The following CACNA1E variants were observed in gnomAD, a reference collection of about 807,000 sequenced individuals.
CACNA1E encodes the protein voltage-dependent R-type calcium channel subunit alpha-1E.
CACNA1E carries 40 observed loss-of-function variants against 259.2 expected under a neutral mutation model. That is an observed-to-expected ratio of 0.15 (90% confidence interval 0.12 to 0.20). The LOEUF is 0.20. CACNA1E is among the 10% of genes least tolerant of loss of function. The probability of loss-of-function intolerance (pLI) is 1.00; values close to 1 mark genes in which losing one functional copy is unlikely to be tolerated. For synonymous variants in CACNA1E, 1,104 were observed against 1,138.5 expected, an observed-to-expected ratio of 0.97 and a Z score of 0.61; for missense variants, 1,874 against 3,040.1, an observed-to-expected ratio of 0.62 and a Z score of 9.02.
At chr1:181,561,471 A>T (rs987288569) in intron 3 of CACNA1E, among the ~76,000 whole-genome samples, 1 of 152,120 alleles carries the variant, frequency 6.6e-6, no homozygotes, top group African/African-American at 2.4e-5. Flanking sequence ...CTTCATCCTC[A>T]GCCTCTAGTA....
rs1234674440 is a variant in CACNA1E, at chr1:181,344,429, G to A, written c.-15+26306G>A. On this transcript the variant is annotated intron_variant, in intron 1 of 11. Transcript: ENST00000524607. ...CCTTGGCAGGGAGAGGACATGGGAAGTTTGGTGCTGTCTCTAAAGTCTCCT... is the reference window on the plus strand; with the variant it reads ...CCTTGGCAGGGAGAGGACATGGGAAATTTGGTGCTGTCTCTAAAGTCTCCT... 2.0e-5 allele frequency among the ~76,000 whole-genome samples: 3 copies of A among 152,220 alleles called. No individual in the cohort carries two copies. In the East Asian group the frequency reaches 5.8e-4, roughly 29 times the overall value.
At chr1:181,404,818 GCAGCCAGATGGGGAAGAGCTCAGGCCAC>G (rs1156849869) in intron 1 of CACNA1E, among the ~76,000 whole-genome samples, 1 of 152,220 alleles carries the variant, frequency 6.6e-6, no homozygotes, top group East Asian at 1.9e-4. Flanking sequence ...GCCAGGCCTG[GCAGCCAGATGGGGAAGAGCTCAGGCCAC>G]CAGCACAGAG....
chr1:181,468,175 T>C (rs1454744503), intron 2 of CACNA1E, among the ~76,000 whole-genome samples: 1 of 152,214 alleles, frequency 6.6e-6, no homozygotes, highest in Non-Finnish European at 1.5e-5. Flanking sequence ...TGAAATTAGT[T>C]GAAAATGTTC....
chr1:181,786,454 G>A (rs995147888), intron 43 of CACNA1E, among the ~76,000 whole-genome samples: 1 of 152,186 alleles, frequency 6.6e-6, no homozygotes, highest in Admixed American at 6.5e-5. Flanking sequence ...TCTGACCCCA[G>A]AGTGTTTTCA....
intron 2 of CACNA1E, among the ~76,000 whole-genome samples, chr1:181,461,409 C>T (rs896814212): frequency 6.6e-5 from 10 of 151,748 alleles, no homozygotes; most frequent in East Asian, 3.9e-4. Flanking sequence ...GGCGTGGTGG[C>T]GGGCGCCTGT....
At chr1:181,332,150 T>C (rs143292699) in intron 1 of CACNA1E, among the ~76,000 whole-genome samples, 2,988 of 152,194 alleles carry the variant, frequency 0.02, 90 homozygotes, top group African/African-American at 0.07. Flanking sequence ...CACTTATAAG[T>C]GGGAGCTGAA....
chr1:181,693,023 C>T lies in CACNA1E; in HGVS notation c.1056-17931C>T, dbSNP rs149804457. Among the ~76,000 whole-genome samples the T allele has an allele frequency of 9.1e-4, 137 of 150,874 alleles. 2 individuals are homozygous for T. In the East Asian group the frequency reaches 0.021, roughly 23 times the overall value. The stretch of plus-strand genomic sequence containing the variant: ...CACTTTTTAAAAGATACACAAGCAA[C>T]CAACAAATGTGAAAAAAATGCTCAA... On this transcript the variant is annotated intron_variant, in intron 7 of 47. Transcript: ENST00000367573.
At chr1:181,645,867 A>G (rs1558222655) in intron 6 of CACNA1E, among the ~76,000 whole-genome samples, 1 of 152,240 alleles carries the variant, frequency 6.6e-6, no homozygotes, top group Non-Finnish European at 1.5e-5. Flanking sequence ...TTTCAGCTCC[A>G]AGACATGGAA....
intron 1 of CACNA1E, among the ~76,000 whole-genome samples, chr1:181,494,185 A>G (rs1238231411): frequency 6.6e-6 from 1 of 152,264 alleles, no homozygotes; most frequent in Non-Finnish European, 1.5e-5. Context: ...CACATACCAC[A>G]TAATTTTAGT....
chr1:181,663,379 C>T (rs1320935222), intron 7 of CACNA1E, among the ~76,000 whole-genome samples: 1 of 152,152 alleles, frequency 6.6e-6, no homozygotes, highest in East Asian at 1.9e-4. Context: ...AGCTCTCCTC[C>T]CTTCTCCTGG....
intron 1 of CACNA1E, among the ~76,000 whole-genome samples, chr1:181,369,624 A>G (rs1031816337): frequency 1.3e-5 from 2 of 152,190 alleles, no homozygotes; most frequent in Non-Finnish European, 2.9e-5. Flanking sequence ...AAGGGGCTCC[A>G]GCTGCTCAGG....
At chr1:181,768,862 G>A (rs1659247058) in intron 35 of CACNA1E, among the ~76,000 whole-genome samples, 1 of 152,138 alleles carries the variant, frequency 6.6e-6, no homozygotes, top group African/African-American at 2.4e-5. Context: ...CAAAACTGAG[G>A]GATCTGTACA....
intron 3 of CACNA1E, among the ~76,000 whole-genome samples, chr1:181,520,119 T>C (rs980309722): frequency 7.2e-5 from 11 of 152,238 alleles, no homozygotes; most frequent in African/African-American, 2.4e-4. Flanking sequence ...ATATTCTATA[T>C]TGGCACTTGC....
At chr1:181,341,316 A>T (rs775247642) in intron 1 of CACNA1E, among the ~76,000 whole-genome samples, 3 of 152,030 alleles carry the variant, frequency 2.0e-5, no homozygotes, top group African/African-American at 4.8e-5. Context: ...TGCTCTCTGG[A>T]TGTTTACTGC....
At chr1:181,558,133 G>A (rs1648932475) in intron 3 of CACNA1E, among the ~76,000 whole-genome samples, 1 of 152,182 alleles carries the variant, frequency 6.6e-6, no homozygotes, top group Non-Finnish European at 1.5e-5. Context: ...AACACTTGAA[G>A]GGCAGTCTTG....
At chr1:181,366,215 C>T (rs1315496539) in intron 1 of CACNA1E, among the ~76,000 whole-genome samples, 1 of 152,132 alleles carries the variant, frequency 6.6e-6, no homozygotes, top group Non-Finnish European at 1.5e-5. Flanking sequence ...AGTACTGAAG[C>T]ACCTCTCACA....
intron 35 of CACNA1E, among the ~76,000 whole-genome samples, chr1:181,766,987 A>T (rs1043946020): frequency 3.3e-5 from 5 of 152,152 alleles, no homozygotes; most frequent in Non-Finnish European, 7.4e-5. Context: ...TGGTATTTTG[A>T]CTTGGCCTAA....
chr1:181,444,839 T>G (rs75860972), intron 2 of CACNA1E, among the ~76,000 whole-genome samples: 7,831 of 152,166 alleles, frequency 0.051, 476 homozygotes, highest in African/African-American at 0.15. Flanking sequence ...GAGTGCTCCG[T>G]AGACAACTTA....
At chr1:181,349,269 A>G (rs1652846129) in intron 1 of CACNA1E, among the ~76,000 whole-genome samples, 1 of 152,214 alleles carries the variant, frequency 6.6e-6, no homozygotes, top group South Asian at 2.1e-4. Flanking sequence ...CAAGGCCACA[A>G]AGGTCAACTA....
Sources: allele counts gnomAD v4.1 joint callset (sites outside exome capture counted in the v4.1 genomes callset), GRCh38; gene constraint gnomAD v4.1.1; transcripts MANE v1.5; gene names NCBI Gene and HGNC (gene_info 2026-07-23, HGNC 2026-07-21).